The following SLCO6A1 variants were observed in gnomAD, a reference collection of about 807,000 sequenced individuals.
SLCO6A1 encodes solute carrier organic anion transporter family member 6A1, also known as cancer/testis antigen 48.
Under a neutral mutation model 72.7 loss-of-function variants are expected in SLCO6A1, and 65 were observed. The observed-to-expected ratio is 0.89, with a 90% confidence interval of 0.73 to 1.10. SLCO6A1 has a LOEUF of 1.10. SLCO6A1 is among the 50% of genes least tolerant of loss of function. The pLI is 0.00. For synonymous variants in SLCO6A1, 314 were observed against 298.2 expected (o/e 1.05, Z -0.55); for missense variants, 874 against 872.6 (o/e 1.00, Z -0.02).
chr5:102,490,836 T>C (rs1752641425), intron 1 of SLCO6A1, among the ~76,000 whole-genome samples: 1 of 152,128 alleles, frequency 6.6e-6, no homozygotes, highest in Admixed American at 6.5e-5. Context: ...AAAGGCAGTG[T>C]GGACCCAAAG....
chr5:102,465,956 C>A (rs1276398684), intron 4 of SLCO6A1, among the ~76,000 whole-genome samples: 1 of 152,090 alleles, frequency 6.6e-6, no homozygotes, highest in Admixed American at 6.6e-5. Context: ...CAGCAGAAAC[C>A]CATTCCTCCC....
chr5:102,422,101 A>C (rs10479218), intron 7 of SLCO6A1, among the ~76,000 whole-genome samples: 32,476 of 152,144 alleles, frequency 0.21, 4,539 homozygotes, highest in Non-Finnish European at 0.28. Flanking sequence ...ATGCCCATGC[A>C]AAAACCCCAT....
chr5:102,456,500 C>A (rs1001459369), intron 6 of SLCO6A1, among the ~76,000 whole-genome samples: 6 of 152,142 alleles, frequency 3.9e-5, no homozygotes, highest in African/African-American at 1.4e-4. Context: ...CTCCCATTCA[C>A]AATTGCTTCA....
Position 102,397,688 on chromosome 5 carries a change from A to ATGT in SLCO6A1, c.1814+1864_1814+1866dup, listed in dbSNP as rs1160704460. On this transcript the variant is annotated intron_variant, in intron 10 of 13. Transcript: ENST00000506729. ...ACCCTCTCCTTCTGAGCAGAAATATATGTTAGAGATACCTGTGATCTGTCA... is the reference window on the plus strand; with the variant it reads ...ACCCTCTCCTTCTGAGCAGAAATATATGTTGTTAGAGATACCTGTGATCTGTCA... Among the ~76,000 whole-genome samples the ATGT allele has an allele frequency of 9.2e-5, 14 of 152,148 alleles. No individual in the cohort carries two copies. In the East Asian group the frequency reaches 2.3e-3, roughly 25 times the overall value.
chr5:102,454,656 G>T, intron 6 of SLCO6A1, among the ~76,000 whole-genome samples: 1 of 150,978 alleles, frequency 6.6e-6, no homozygotes, highest in Admixed American at 6.6e-5. Flanking sequence ...ATTGGAATTG[G>T]CTTGCTTTTT....
At chr5:102,409,265 C>T (rs1167927064) in intron 9 of SLCO6A1, among the ~76,000 whole-genome samples, 4 of 152,140 alleles carry the variant, frequency 2.6e-5, no homozygotes, top group Non-Finnish European at 5.9e-5. Flanking sequence ...TTTCCTACTA[C>T]TCCTCTCACA....
Position 102,480,259 on chromosome 5 carries a change from G to C in SLCO6A1, c.534C>G (p.Ser178=), listed in dbSNP as rs1752121411. Residue 178 remains serine (S), a synonymous_variant, in exon 2 of 14, where the codon TCC becomes TCG. Coordinates refer to ENST00000506729, the MANE Select transcript of SLCO6A1 (RefSeq NM_173488.5). ...AAAGTGATCCAAGTCCTATTAAAAA[G>C]GAGGAAGCTACAAACCATATTACTT... ...RKKVIWFVAS[S]FLIGLGSLLC... The C allele has an allele frequency of 6.2e-7, 1 of 1,613,142 alleles. No individual in the cohort carries two copies.
At chr5:102,393,273 C>G (rs2112528422) in intron 10 of SLCO6A1, among the ~76,000 whole-genome samples, 2 of 152,208 alleles carry the variant, frequency 1.3e-5, no homozygotes, top group South Asian at 4.1e-4. Flanking sequence ...TCCCATTGTT[C>G]TAAGAATTAA....
At chr5:102,380,783 C>T (rs150295482) in intron 12 of SLCO6A1, among the ~76,000 whole-genome samples, 42 of 151,898 alleles carry the variant, frequency 2.8e-4, no homozygotes, top group African/African-American at 8.0e-4. Flanking sequence ...TTTAAATAGC[C>T]ACATGTGGCA....
At chr5:102,402,060 A>C (rs1747426505) in intron 9 of SLCO6A1, among the ~76,000 whole-genome samples, 1 of 152,140 alleles carries the variant, frequency 6.6e-6, no homozygotes, top group Non-Finnish European at 1.5e-5. Flanking sequence ...TGAAGAACTA[A>C]GGAGTCCATG....
At chr5:102,381,870 T>C (rs1746129906) in intron 12 of SLCO6A1, among the ~76,000 whole-genome samples, 1 of 151,678 alleles carries the variant, frequency 6.6e-6, no homozygotes, top group South Asian at 2.1e-4. Context: ...TGTCATCTTT[T>C]AAGAAATATC....
intron 10 of SLCO6A1, among the ~76,000 whole-genome samples, chr5:102,399,145 T>TATGCTCCTTTGTTGATGACACTC (rs1747260053): frequency 6.6e-6 from 1 of 152,158 alleles, no homozygotes; most frequent in African/African-American, 2.4e-5. Flanking sequence ...TAAAAGTTAT[T>TATGCTCCTTTGTTGATGACACTC]ATGCTCCTTT....
intron 8 of SLCO6A1, among the ~76,000 whole-genome samples, chr5:102,416,812 G>T (rs543690298): frequency 6.6e-6 from 1 of 152,130 alleles, no homozygotes; most frequent in Non-Finnish European, 1.5e-5. Context: ...TTACATGCGT[G>T]CATGAATAGA....
intron 1 of SLCO6A1, among the ~76,000 whole-genome samples, chr5:102,492,142 C>T (rs1169511473): frequency 6.6e-6 from 1 of 152,290 alleles, no homozygotes; most frequent in East Asian, 1.9e-4. Context: ...AATCACTTCC[C>T]ACCAGGACCC....
chr5:102,467,891 T>C (rs114184166), intron 4 of SLCO6A1, among the ~76,000 whole-genome samples: 49 of 152,290 alleles, frequency 3.2e-4, no homozygotes, highest in African/African-American at 1.2e-3. Flanking sequence ...TGGTTCATTC[T>C]TGTTTCTCCA....
intron 7 of SLCO6A1, among the ~76,000 whole-genome samples, chr5:102,423,663 C>A (rs1170380189): frequency 6.6e-6 from 1 of 152,150 alleles, no homozygotes; most frequent in Non-Finnish European, 1.5e-5. Flanking sequence ...GACTCTCATA[C>A]AATAATAGTG....
chr5:102,445,757 G>T (rs374781111), intron 6 of SLCO6A1, among the ~76,000 whole-genome samples: 12 of 152,168 alleles, frequency 7.9e-5, no homozygotes, highest in African/African-American at 2.9e-4. Context: ...TATGGTGAAA[G>T]GTAGGGGTCC....
intron 9 of SLCO6A1, among the ~76,000 whole-genome samples, chr5:102,400,844 A>C (rs1747357596): frequency 6.6e-6 from 1 of 152,066 alleles, no homozygotes; most frequent in East Asian, 1.9e-4. Flanking sequence ...CCAAATATCA[A>C]TTCCTTCATT....
At position 102,386,258 on chromosome 5, in the gene SLCO6A1, G is replaced by C. The variant is rs116998331; in HGVS notation, c.2017+2430C>G. On this transcript the variant is annotated intron_variant, in intron 12 of 13. Coordinates refer to ENST00000506729, the MANE Select transcript of SLCO6A1 (RefSeq NM_173488.5). ...GGCTAGCCTGGTGCCAAGGTCCACT[G>C]AGATGGACTTTTTGACTGAGCCCAT... is the stretch of plus-strand genomic sequence containing the variant. 8.7e-4 allele frequency among the ~76,000 whole-genome samples: 132 copies of C among 152,274 alleles called. 2 individuals are homozygous for C. In the East Asian group the frequency reaches 0.019, roughly 22 times the overall value.
Sources: gnomAD v4.1 joint callset for allele counts (sites outside exome capture counted in the v4.1 genomes callset) on GRCh38, gnomAD v4.1.1 for gene constraint, MANE v1.5 for transcripts, NCBI Gene and HGNC (gene_info 2026-07-23, HGNC 2026-07-21) for gene names.